HS6ST2: variants seen among roughly 807,000 people sequenced by gnomAD.
HS6ST2 encodes the protein heparan-sulfate 6-O-sulfotransferase 2.
HS6ST2 carries 17 observed loss-of-function variants against 33.0 expected under a neutral mutation model. That is an observed-to-expected ratio of 0.52 (90% CI 0.35 to 0.77). The LOEUF is 0.77. Ranked by LOEUF, HS6ST2 falls within the 30% of genes least tolerant of loss-of-function variation. The pLI is 0.01. For synonymous variants in HS6ST2, 248 were observed against 237.1 expected, an observed-to-expected ratio of 1.05 and a Z score of -0.42; for missense variants, 519 against 551.7, an observed-to-expected ratio of 0.94 and a Z score of 0.59.
At chrX:132,930,694 A>G (rs1408607467) in intron 2 of HS6ST2, among the ~76,000 whole-genome samples, 1 of 111,434 alleles carries the variant, frequency 9.0e-6, no homozygotes, top group Non-Finnish European at 1.9e-5. Context: ...AAGACACCCA[A>G]GGGCTTGGCT....
chrX:132,650,941 A>AT (rs887234515), intron 4 of HS6ST2, among the ~76,000 whole-genome samples: 1 of 110,292 alleles, frequency 9.1e-6, no homozygotes, highest in Non-Finnish European at 1.9e-5. Flanking sequence ...ATTTAAAACA[A>AT]TTTTTTTTAG....
At chrX:132,642,342 C>A (rs1034077184) in intron 4 of HS6ST2, among the ~76,000 whole-genome samples, 6 of 111,251 alleles carry the variant, frequency 5.4e-5, no homozygotes, top group African/African-American at 2.0e-4. Context: ...AAGTTTTCCC[C>A]CTAAATGAAG....
At chrX:132,699,304 T>C (rs1219335940) in intron 3 of HS6ST2, among the ~76,000 whole-genome samples, 3 of 111,916 alleles carry the variant, frequency 2.7e-5, no homozygotes, top group African/African-American at 9.7e-5. Flanking sequence ...TTACAGTTAC[T>C]GTGGGTTAAA....
chrX:132,872,324 T>A (rs933927273), intron 2 of HS6ST2, among the ~76,000 whole-genome samples: 1 of 112,012 alleles, frequency 8.9e-6, no homozygotes, highest in Non-Finnish European at 1.9e-5. Context: ...ATACTACCTG[T>A]ATGGAAAATA....
chrX:132,705,066 T>C (rs1369911582), intron 3 of HS6ST2, among the ~76,000 whole-genome samples: 2 of 110,876 alleles, frequency 1.8e-5, no homozygotes, highest in Admixed American at 1.9e-4. Flanking sequence ...GGTGAAGCTA[T>C]GTGAGGAGGT....
intron 3 of HS6ST2, among the ~76,000 whole-genome samples, chrX:132,671,013 C>T (rs751188550): frequency 1.3e-4 from 15 of 111,470 alleles, no homozygotes; most frequent in African/African-American, 4.6e-4. Flanking sequence ...ACCATTACCC[C>T]GTACCACTCA....
chrX:132,724,164 AAAG>A (rs1468043517), intron 2 of HS6ST2, among the ~76,000 whole-genome samples: 1 of 109,511 alleles, frequency 9.1e-6, no homozygotes, highest in Admixed American at 9.7e-5. Context: ...AAAGAAAAGA[AAAG>A]AAAAGAAAGA....
At position 132,743,627 on chromosome X, in the gene HS6ST2, A is replaced by G. The variant is rs776666451; in HGVS notation, c.948-35133T>C. On this transcript the variant is annotated intron_variant, in intron 2 of 4. Coordinates refer to ENST00000370833, the MANE Select transcript of HS6ST2 (RefSeq NM_001394073.1). ...TTCAGCTATGAGAGAGGGCGAGGGA[A>G]GTGGGACCTACCAAGAGATTTTATA... 8.1e-5 allele frequency among the ~76,000 whole-genome samples: 9 copies of G among 111,772 alleles called. No individual in the cohort carries two copies. The East Asian group carries it at 2.3e-3, about 28-fold the overall frequency.
intron 2 of HS6ST2, among the ~76,000 whole-genome samples, chrX:132,806,655 T>C (rs1602698387): frequency 9.1e-6 from 1 of 110,181 alleles, no homozygotes; most frequent in East Asian, 2.8e-4. Flanking sequence ...TGTGTTCCAA[T>C]AAAACTTTAT....
intron 2 of HS6ST2, among the ~76,000 whole-genome samples, chrX:132,790,143 G>A (rs1404943773): frequency 9.0e-6 from 1 of 111,713 alleles, no homozygotes; most frequent in African/African-American, 3.3e-5. Context: ...GTGAAAGGAA[G>A]AGTCAATTGA....
At chrX:132,728,963 C>G (rs1051842514) in intron 2 of HS6ST2, among the ~76,000 whole-genome samples, 3 of 112,736 alleles carry the variant, frequency 2.7e-5, no homozygotes, top group Admixed American at 1.9e-4. Context: ...CCACCTTCAG[C>G]CTGTATCACT....
chrX:132,754,760 G>A (rs906837847), intron 2 of HS6ST2, among the ~76,000 whole-genome samples: 5 of 109,971 alleles, frequency 4.5e-5, no homozygotes, highest in Non-Finnish European at 9.5e-5. Flanking sequence ...TGCCCAGGCT[G>A]GAGTGCAGTG....
rs918376613 is a variant in HS6ST2, at chrX:132,755,450, T to C, written c.948-46956A>G. ...GGTTGCTTTTATTGAAAAACAGTAT[T>C]AGAAAACAAACAAGATTTGGATTCT... is the stretch of plus-strand genomic sequence containing the variant. On this transcript the variant is annotated intron_variant, in intron 2 of 4. Coordinates refer to ENST00000370833, the MANE Select transcript of HS6ST2 (RefSeq NM_001394073.1). 5.4e-5 allele frequency among the ~76,000 whole-genome samples: 6 copies of C among 111,561 alleles called. No homozygotes were observed. The East Asian group carries it at 1.7e-3, about 31-fold the overall frequency.
chrX:132,798,830 A>T (rs1387177865), intron 2 of HS6ST2, among the ~76,000 whole-genome samples: 1 of 111,559 alleles, frequency 9.0e-6, no homozygotes, highest in African/African-American at 3.3e-5. Context: ...CAGGGGACAG[A>T]GTTACATACC....
At chrX:132,808,182 T>C (rs930216598) in intron 2 of HS6ST2, among the ~76,000 whole-genome samples, 1 of 110,999 alleles carries the variant, frequency 9.0e-6, no homozygotes, top group Non-Finnish European at 1.9e-5. Context: ...AAGAGAGATA[T>C]ACAAAAAGGG....
chrX:132,906,279 C>G (rs1244584041), intron 2 of HS6ST2, among the ~76,000 whole-genome samples: 1 of 112,047 alleles, frequency 8.9e-6, no homozygotes, highest in Non-Finnish European at 1.9e-5. Flanking sequence ...TTTTTGGTAA[C>G]ACTGCAAATG....
chrX:132,666,498 T>C (rs935152650), intron 4 of HS6ST2, among the ~76,000 whole-genome samples: 17 of 111,804 alleles, frequency 1.5e-4, no homozygotes, highest in African/African-American at 5.2e-4. Flanking sequence ...GGTGGGCATA[T>C]CATTATCCTC....
intron 2 of HS6ST2, among the ~76,000 whole-genome samples, chrX:132,923,297 G>A (rs2066674800): frequency 1.8e-5 from 2 of 111,026 alleles, no homozygotes; most frequent in South Asian, 3.8e-4. Context: ...GTAATCATGA[G>A]GCATGTCCCA....
At chrX:132,864,218 C>T (rs764397270) in intron 2 of HS6ST2, among the ~76,000 whole-genome samples, 9 of 109,481 alleles carry the variant, frequency 8.2e-5, no homozygotes, top group East Asian at 5.8e-4. Flanking sequence ...CAACTCCTCG[C>T]GAGCAAGGGA....
Sources: allele counts gnomAD v4.1 joint callset (sites outside exome capture counted in the v4.1 genomes callset), GRCh38; gene constraint gnomAD v4.1.1; transcripts MANE v1.5; gene names NCBI Gene and HGNC (gene_info 2026-07-23, HGNC 2026-07-21).